The following STAG1 variants were observed in gnomAD, a reference collection of about 807,000 sequenced individuals.
STAG1 encodes the protein cohesin subunit SA-1.
In STAG1, 26 loss-of-function variants were observed where a neutral mutation model predicts 170.9. That is an observed-to-expected ratio of 0.15 (90% CI 0.11 to 0.21). The LOEUF (loss-of-function observed/expected upper bound fraction) is 0.21. Among genes scored for constraint, STAG1 ranks in the 10% least tolerant of loss-of-function variants. The probability of loss-of-function intolerance (pLI) is 1.00; values close to 1 mark genes in which losing one functional copy is unlikely to be tolerated. For missense variants in STAG1, 964 were observed against 1,509.5 expected, an observed-to-expected ratio of 0.64 and a Z score of 5.99; for synonymous variants, 514 against 497.7, an observed-to-expected ratio of 1.03 and a Z score of -0.44.
intron 22 of STAG1, among the ~76,000 whole-genome samples, chr3:136,390,196 G>T (rs2086972059): frequency 6.6e-6 from 1 of 152,106 alleles, no homozygotes; most frequent in Non-Finnish European, 1.5e-5. Flanking sequence ...AGGGACTCAG[G>T]AACAGGGCTG....
At chr3:136,615,004 G>A (rs896673930) in intron 3 of STAG1, among the ~76,000 whole-genome samples, 2 of 151,970 alleles carry the variant, frequency 1.3e-5, no homozygotes, top group Non-Finnish European at 2.9e-5. Flanking sequence ...TACTTTTAAT[G>A]GAATTTTGGT....
chr3:136,552,885 C>T (rs1936466665), intron 5 of STAG1, among the ~76,000 whole-genome samples: 1 of 152,074 alleles, frequency 6.6e-6, no homozygotes, highest in Admixed American at 6.6e-5. Context: ...TAAATCCTCT[C>T]TTAGAGAAAT....
At chr3:136,678,311 G>A (rs1942207056) in intron 1 of STAG1, among the ~76,000 whole-genome samples, 1 of 151,160 alleles carries the variant, frequency 6.6e-6, no homozygotes, top group Non-Finnish European at 1.5e-5. Flanking sequence ...AATCAATATA[G>A]TATTGATATA....
chr3:136,464,397 T>C lies in STAG1; in HGVS notation c.1313+484A>G, dbSNP rs533304746. Among the ~76,000 whole-genome samples the C allele has an allele frequency of 2.0e-5, 3 of 150,984 alleles. No individual in the cohort carries two copies. The South Asian group carries it at 6.3e-4, about 32-fold the overall frequency. Reference sequence around the variant, plus strand: ...GAGACTGCACCATTGTACTGTAGTCTGGGCAACAAGAGCGAAACTCCGTCT... The same window carrying C: ...GAGACTGCACCATTGTACTGTAGTCCGGGCAACAAGAGCGAAACTCCGTCT... On this transcript the variant is annotated intron_variant, in intron 13 of 33. Coordinates refer to ENST00000383202, the MANE Select transcript of STAG1 (RefSeq NM_005862.3).
intron 13 of STAG1, among the ~76,000 whole-genome samples, chr3:136,458,813 T>A (rs2089192136): frequency 6.6e-6 from 1 of 152,178 alleles, no homozygotes; most frequent in South Asian, 2.1e-4. Flanking sequence ...ACACACAGAC[T>A]GAAAGTGAAG....
At chr3:136,609,732 C>A in intron 3 of STAG1, 1 of 169,420 alleles carries the variant, frequency 5.9e-6, no homozygotes, top group Non-Finnish European at 1.3e-5. Context: ...GAAGGGAATC[C>A]TACCCACATC....
chr3:136,580,044 T>C (rs1348910949), intron 4 of STAG1, among the ~76,000 whole-genome samples: 1 of 139,294 alleles, frequency 7.2e-6, no homozygotes, highest in Non-Finnish European at 1.5e-5. Flanking sequence ...CTCGGCTCAC[T>C]GCAACCTCCA....
rs1440820061 is a variant in STAG1, at chr3:136,551,224, A to T, written c.395-9029T>A. On this transcript the variant is annotated intron_variant, in intron 5 of 33. Transcript: ENST00000383202. Reference sequence around the variant, plus strand: ...GAGAGAGAGTGAGAGAGAGAGAGAGAGAGAGAGAGAGAGAGAGAGAGAGAG... The same window carrying T: ...GAGAGAGAGTGAGAGAGAGAGAGAGTGAGAGAGAGAGAGAGAGAGAGAGAG... Among the ~76,000 whole-genome samples the T allele has an allele frequency of 6.9e-3, 856 of 124,678 alleles. 17 individuals carry two copies. The highest frequency in any genetic ancestry group is 0.021 in the Middle Eastern group (4 of 194). The allele number at this position is 124,678 out of a possible 152,430, so 81.8% of individuals were successfully genotyped here.
At chr3:136,520,618 C>G (rs991135303) in intron 7 of STAG1, among the ~76,000 whole-genome samples, 1 of 152,076 alleles carries the variant, frequency 6.6e-6, no homozygotes, top group Non-Finnish European at 1.5e-5. Context: ...AGTTGGTTGA[C>G]AAGTTGTCAT....
At chr3:136,695,758 A>G (rs993949255) in intron 1 of STAG1, among the ~76,000 whole-genome samples, 1 of 152,126 alleles carries the variant, frequency 6.6e-6, no homozygotes, top group Non-Finnish European at 1.5e-5. Context: ...ATAAAACTGG[A>G]AAGTTCAAAC....
intron 32 of STAG1, 64 bp from the exon 33 acceptor site, chr3:136,338,514 T>C: frequency 8.4e-7 from 1 of 1,195,638 alleles, no homozygotes; most frequent in South Asian, 1.3e-5. Flanking sequence ...ATTGTGATAA[T>C]CAGCTAATAT....
chr3:136,711,810 T>A (rs1040553547), intron 1 of STAG1, among the ~76,000 whole-genome samples: 1 of 151,694 alleles, frequency 6.6e-6, no homozygotes, highest in African/African-American at 2.4e-5. Context: ...GAAAAAAAAA[T>A]AAAACTTGAC....
chr3:136,739,510 A>G (rs919023360), intron 1 of STAG1, among the ~76,000 whole-genome samples: 4 of 148,970 alleles, frequency 2.7e-5, no homozygotes, highest in Non-Finnish European at 5.9e-5. Flanking sequence ...CGTCAAAAAA[A>G]AAAAAAAAAG....
chr3:136,684,532 T>G (rs984210143), intron 1 of STAG1, among the ~76,000 whole-genome samples: 1 of 151,820 alleles, frequency 6.6e-6, no homozygotes, highest in Non-Finnish European at 1.5e-5. Flanking sequence ...GGTGGATCAC[T>G]TGAGGTCCAA....
intron 1 of STAG1, among the ~76,000 whole-genome samples, chr3:136,745,983 A>C (rs895229661): frequency 2.0e-5 from 3 of 152,138 alleles, no homozygotes; most frequent in Admixed American, 2.0e-4. Flanking sequence ...ATCTGAGGGA[A>C]GCAATAAGGG....
In STAG1 at chr3:136,590,951, A is replaced by AC. The variant is rs1187925546; in HGVS notation, c.297+13357dup. Among the ~76,000 whole-genome samples, 3 of 150,128 alleles carry AC rather than the reference A, an allele frequency of 2.0e-5. No individual in the cohort carries two copies. In the East Asian group the frequency reaches 5.8e-4, roughly 29 times the overall value. ...TGATGATGCACAACCTCTCACCAGGACCCCCCAGAAAAGCTGTATTGGTTT... is the reference window on the plus strand; with the variant it reads ...TGATGATGCACAACCTCTCACCAGGACCCCCCCAGAAAAGCTGTATTGGTTT... On this transcript the variant is annotated intron_variant, in intron 4 of 33. Transcript: ENST00000383202.
intron 1 of STAG1, among the ~76,000 whole-genome samples, chr3:136,641,855 T>C (rs1576704093): frequency 1.3e-5 from 2 of 152,168 alleles, no homozygotes; most frequent in South Asian, 4.1e-4. Context: ...AGGTGAGGGG[T>C]ACAGGGTTGA....
At chr3:136,691,096 G>A (rs531082165) in intron 1 of STAG1, among the ~76,000 whole-genome samples, 7 of 151,694 alleles carry the variant, frequency 4.6e-5, no homozygotes, top group Non-Finnish European at 7.4e-5. Context: ...CCAGGAGTTC[G>A]AGACCAGCCT....
At chr3:136,435,670 T>TG (rs1559799962) in intron 15 of STAG1, among the ~76,000 whole-genome samples, 1 of 152,104 alleles carries the variant, frequency 6.6e-6, no homozygotes, top group Non-Finnish European at 1.5e-5. Context: ...TCCCGAATTC[T>TG]TTTTTTCTTT....
Sources: gnomAD v4.1 joint callset for allele counts (sites outside exome capture counted in the v4.1 genomes callset) on GRCh38, gnomAD v4.1.1 for gene constraint, MANE v1.5 for transcripts, NCBI Gene and HGNC (gene_info 2026-07-23, HGNC 2026-07-21) for gene names.